GPHN: variants seen among roughly 807,000 people sequenced by gnomAD.
GPHN encodes gephyrin.
A neutral mutation model predicts 95.5 loss-of-function variants in GPHN; 17 were observed. The ratio of observed to expected loss-of-function variants is 0.18; its 90% CI spans 0.12 to 0.27. The LOEUF (loss-of-function observed/expected upper bound fraction) is 0.27. Among genes scored for constraint, GPHN ranks in the 10% least tolerant of loss-of-function variants. The pLI is 1.00. For synonymous variants in GPHN, 320 were observed against 322.5 expected (o/e 0.99, Z 0.08); for missense variants, 660 against 978.1 (o/e 0.67, Z 4.34).
intron 1 of GPHN, among the ~76,000 whole-genome samples, chr14:66,520,590 T>G (rs1056231400): frequency 3.9e-5 from 6 of 152,166 alleles, no homozygotes; most frequent in Non-Finnish European, 8.8e-5. Context: ...GCAGGCTGAC[T>G]TTCTTCTTAT....
At chr14:67,517,264 G>A in the GPHN span, among the ~76,000 whole-genome samples, 2 of 152,166 alleles carry the variant, frequency 1.3e-5, no homozygotes, top group Non-Finnish European at 1.5e-5. Context: ...AGCTGTGGCC[G>A]GCGGCTGGCA....
the GPHN span, chr14:67,382,605 T>C: frequency 6.2e-7 from 1 of 1,613,688 alleles, no homozygotes; most frequent in Non-Finnish European, 8.5e-7. Context: ...GATCAATAGA[T>C]TCATTTTTAA....
chr14:67,723,494 C>A, the GPHN span, among the ~76,000 whole-genome samples: 1 of 152,174 alleles, frequency 6.6e-6, no homozygotes, highest in South Asian at 2.1e-4. Flanking sequence ...GTTGGCCTCC[C>A]AAGATGTTGG....
At chr14:67,195,225 A>AAGTGTTAGGAGGAGTTAGCT in the GPHN span, among the ~76,000 whole-genome samples, 2 of 152,210 alleles carry the variant, frequency 1.3e-5, no homozygotes, top group East Asian at 3.8e-4. Flanking sequence ...TCCTCAGCTA[A>AAGTGTTAGGAGGAGTTAGCT]CCTCAACTTT....
At chr14:66,808,995 CA>C (rs1433673981) in intron 3 of GPHN, among the ~76,000 whole-genome samples, 1 of 151,972 alleles carries the variant, frequency 6.6e-6, no homozygotes, top group African/African-American at 2.4e-5. Context: ...TGGCTAAAGT[CA>C]AGGGATTATT....
At chr14:67,243,214 A>G in the GPHN span, among the ~76,000 whole-genome samples, 281 of 151,626 alleles carry the variant, frequency 1.9e-3, 4 homozygotes, top group East Asian at 4.3e-3. Context: ...TGTGAGACAT[A>G]GTCTCGCTCT....
chr14:67,086,211 G>A (rs946843555), intron 11 of GPHN, among the ~76,000 whole-genome samples: 6 of 152,166 alleles, frequency 3.9e-5, no homozygotes, highest in Non-Finnish European at 7.3e-5. Flanking sequence ...TGTTTTGGAT[G>A]TATACCTGGA....
intron 5 of GPHN, among the ~76,000 whole-genome samples, chr14:66,897,038 C>A (rs2064889053): frequency 6.6e-6 from 1 of 151,804 alleles, no homozygotes; most frequent in Non-Finnish European, 1.5e-5. Context: ...AGTAAATTTT[C>A]AAAAAAATTT....
At chr14:66,836,656 A>G (rs1243905194) in intron 4 of GPHN, among the ~76,000 whole-genome samples, 1 of 144,198 alleles carries the variant, frequency 6.9e-6, no homozygotes, top group Non-Finnish European at 1.5e-5. Flanking sequence ...GTGAACAGGC[A>G]ACCTACAAAA....
the GPHN span, among the ~76,000 whole-genome samples, chr14:67,625,970 A>G: frequency 7.9e-5 from 12 of 152,046 alleles, no homozygotes; most frequent in South Asian, 2.3e-3. Flanking sequence ...TAAAACTACA[A>G]TGGCCGGGTG....
chr14:67,513,463 G>A, the GPHN span, among the ~76,000 whole-genome samples: 4 of 152,156 alleles, frequency 2.6e-5, no homozygotes, highest in African/African-American at 9.7e-5. Context: ...AACCTCCGTT[G>A]CTCCTGTACC....
At chr14:67,140,623 G>A (rs1204257399) in intron 17 of GPHN, among the ~76,000 whole-genome samples, 1 of 152,142 alleles carries the variant, frequency 6.6e-6, no homozygotes, top group Non-Finnish European at 1.5e-5. Context: ...TATATTTGTT[G>A]ATAGTATTCA....
At chr14:67,523,799 A>G in the GPHN span, among the ~76,000 whole-genome samples, 1 of 152,346 alleles carries the variant, frequency 6.6e-6, no homozygotes, top group East Asian at 1.9e-4. Flanking sequence ...CCCTCAGCAA[A>G]GAACAGACGT....
chr14:67,730,661 T>A, the GPHN span, among the ~76,000 whole-genome samples: 1 of 152,188 alleles, frequency 6.6e-6, no homozygotes, highest in Admixed American at 6.5e-5. Context: ...TGGAGGGCAA[T>A]GGCTTGATCT....
At chr14:66,698,267 A>G (rs1287576636) in intron 2 of GPHN, among the ~76,000 whole-genome samples, 1 of 152,200 alleles carries the variant, frequency 6.6e-6, no homozygotes, top group Non-Finnish European at 1.5e-5. Flanking sequence ...AAAATGGAGA[A>G]AAAGGTTAAA....
chr14:67,277,591 C>T, the GPHN span, among the ~76,000 whole-genome samples: 1 of 151,272 alleles, frequency 6.6e-6, no homozygotes, highest in African/African-American at 2.4e-5. Context: ...AATATTATTG[C>T]TCTTGAGTGA....
intron 3 of GPHN, among the ~76,000 whole-genome samples, chr14:66,821,655 G>A (rs2061194744): frequency 6.6e-6 from 1 of 152,172 alleles, no homozygotes; most frequent in Non-Finnish European, 1.5e-5. Flanking sequence ...ATTCTATACT[G>A]GTGGGTGAGG....
At chr14:67,343,371 C>T in the GPHN span, 1 of 1,609,830 alleles carries the variant, frequency 6.2e-7, no homozygotes, top group South Asian at 1.1e-5. Flanking sequence ...CTAATACTCA[C>T]CATGTTCAAT....
intron 1 of GPHN, 144 bp from the exon 2 acceptor site, chr14:66,680,963 C>G (rs2066900620): frequency 3.2e-6 from 2 of 619,930 alleles, no homozygotes; most frequent in Non-Finnish European, 5.7e-6. Flanking sequence ...TTCACCAGGC[C>G]TATAAATAAA....
Sources: allele counts gnomAD v4.1 joint callset (sites outside exome capture counted in the v4.1 genomes callset), GRCh38; gene constraint gnomAD v4.1.1; transcripts MANE v1.5; gene names NCBI Gene and HGNC (gene_info 2026-07-23, HGNC 2026-07-21).